AUTS2: variants seen among roughly 807,000 people sequenced by gnomAD.
AUTS2 encodes activator of transcription and developmental regulator AUTS2.
A neutral mutation model predicts 112.4 loss-of-function variants in AUTS2; 17 were observed. The observed-to-expected ratio is 0.15, with a 90% CI of 0.10 to 0.23. The LOEUF (loss-of-function observed/expected upper bound fraction) is 0.23. Ranked by LOEUF, AUTS2 falls within the 10% of genes least tolerant of loss-of-function variation. The pLI, the probability that AUTS2 is intolerant of heterozygous loss-of-function variation, is 1.00. For missense variants in AUTS2, 1,510 were observed against 1,701.6 expected, an observed-to-expected ratio of 0.89 and a Z score of 1.98; for synonymous variants, 751 against 702.7, an observed-to-expected ratio of 1.07 and a Z score of -1.09.
Position 70,649,960 on chromosome 7 carries a change from A to G in AUTS2, c.691-48609A>G, listed in dbSNP as rs117162809. ...CCAAGACATTCCAGCCACAAGTAAC[A>G]GAACAAAATGGCTTCAACCATGGCA... On this transcript the variant is annotated intron_variant, in intron 5 of 18. Transcript: ENST00000342771. Among the ~76,000 whole-genome samples, 1,216 of 152,314 alleles carry G rather than the reference A, an allele frequency of 8.0e-3. 13 individuals carry two copies. Among genetic ancestry groups the G allele is most frequent in the Middle Eastern group, 0.024 (7 of 294 alleles).
intron 5 of AUTS2, among the ~76,000 whole-genome samples, chr7:70,612,593 G>A (rs1804151586): frequency 6.6e-6 from 1 of 151,966 alleles, no homozygotes; most frequent in South Asian, 2.1e-4. Context: ...CAGTGGCCTG[G>A]GTGGCACAGG....
At chr7:69,674,098 CTGTGTCTGGGACAAGCCTCCCAG>C (rs1040606907) in intron 1 of AUTS2, among the ~76,000 whole-genome samples, 31 of 152,342 alleles carry the variant, frequency 2.0e-4, no homozygotes, top group Admixed American at 4.6e-4. Flanking sequence ...AGGTTTCCCA[CTGTGTCTGGGACAAGCCTCCCAG>C]TGTGTCTGGG....
intron 2 of AUTS2, among the ~76,000 whole-genome samples, chr7:70,012,508 C>G (rs1398292802): frequency 6.6e-6 from 1 of 152,188 alleles, no homozygotes; most frequent in Non-Finnish European, 1.5e-5. Context: ...TTGTTATTCT[C>G]TCACTTGCTT....
intron 2 of AUTS2, among the ~76,000 whole-genome samples, chr7:70,080,629 C>G (rs1249502385): frequency 6.6e-6 from 1 of 152,102 alleles, no homozygotes; most frequent in Admixed American, 6.6e-5. Context: ...CTTCTTTTCC[C>G]AAGGAGCTGG....
chr7:70,719,335 T>C (rs1211228880), intron 6 of AUTS2, among the ~76,000 whole-genome samples: 1 of 152,212 alleles, frequency 6.6e-6, no homozygotes, highest in Non-Finnish European at 1.5e-5. Context: ...AGTAAGCGTT[T>C]AGGGTTGCCT....
intron 1 of AUTS2, among the ~76,000 whole-genome samples, chr7:69,624,964 G>A (rs1164704714): frequency 3.3e-5 from 4 of 119,502 alleles, no homozygotes; most frequent in Middle Eastern, 0.016. Context: ...TCACTACCAC[G>A]CAGATTCTCA....
intron 1 of AUTS2, among the ~76,000 whole-genome samples, chr7:69,860,724 CTAAT>C (rs1340707879): frequency 1.3e-5 from 2 of 152,152 alleles, no homozygotes; most frequent in Non-Finnish European, 2.9e-5. Flanking sequence ...AGTAAGCTCT[CTAAT>C]TATGCCAATG....
intron 4 of AUTS2, among the ~76,000 whole-genome samples, chr7:70,308,570 A>G (rs1450894444): frequency 6.6e-6 from 1 of 152,228 alleles, no homozygotes; most frequent in Non-Finnish European, 1.5e-5. Flanking sequence ...AATGTTTACC[A>G]AATATTGTCA....
chr7:70,080,230 A>G (rs1803236295), intron 2 of AUTS2, among the ~76,000 whole-genome samples: 1 of 152,240 alleles, frequency 6.6e-6, no homozygotes, highest in African/African-American at 2.4e-5. Context: ...TGCATCCATT[A>G]CATTGTGGAT....
At chr7:70,311,282 G>C (rs1789737744) in intron 4 of AUTS2, among the ~76,000 whole-genome samples, 1 of 152,164 alleles carries the variant, frequency 6.6e-6, no homozygotes, top group Admixed American at 6.5e-5. Context: ...TACTGTCTGG[G>C]TCATAGCAAG....
chr7:70,674,926 G>T (rs931669353), intron 5 of AUTS2, among the ~76,000 whole-genome samples: 2 of 152,158 alleles, frequency 1.3e-5, no homozygotes, highest in African/African-American at 4.8e-5. Flanking sequence ...TATTTATCAA[G>T]TTCTTTTGCA....
intron 1 of AUTS2, among the ~76,000 whole-genome samples, chr7:69,897,960 G>T (rs78060431): frequency 6.6e-6 from 1 of 152,090 alleles, no homozygotes; most frequent in Non-Finnish European, 1.5e-5. Flanking sequence ...AAGGAGAAAT[G>T]AGTAAAAGGA....
intron 17 of AUTS2, 71 bp downstream of exon 17, chr7:70,786,109 C>A: frequency 3.0e-6 from 4 of 1,348,950 alleles, no homozygotes; most frequent in African/African-American, 1.4e-5. Context: ...TGGCTCAAGA[C>A]CTTTCTAGAG....
intron 4 of AUTS2, among the ~76,000 whole-genome samples, chr7:70,211,830 C>G (rs1197874608): frequency 1.3e-5 from 2 of 151,386 alleles, no homozygotes; most frequent in Non-Finnish European, 2.9e-5. Flanking sequence ...ACTAAAAATA[C>G]AAAAAATTAG....
intron 2 of AUTS2, among the ~76,000 whole-genome samples, chr7:70,061,848 C>T (rs1030840115): frequency 6.6e-6 from 1 of 151,368 alleles, no homozygotes; most frequent in Non-Finnish European, 1.5e-5. Context: ...ACTGCAATGG[C>T]GTGATCTCAG....
At chr7:70,003,928 ATATAT>A (rs1260708067) in intron 2 of AUTS2, among the ~76,000 whole-genome samples, 1 of 80,378 alleles carries the variant, frequency 1.2e-5, no homozygotes, top group Admixed American at 1.7e-4. Context: ...ATATGAATAT[ATATAT>A]TATATATGAA....
intron 4 of AUTS2, among the ~76,000 whole-genome samples, chr7:70,397,057 T>G (rs1437009405): frequency 6.8e-6 from 1 of 148,074 alleles, no homozygotes; most frequent in African/African-American, 2.5e-5. Flanking sequence ...ATTTTAGCCA[T>G]TCTTTTATTA....
At chr7:70,267,997 A>G (rs1584952598) in intron 4 of AUTS2, among the ~76,000 whole-genome samples, 1 of 152,186 alleles carries the variant, frequency 6.6e-6, no homozygotes, top group African/African-American at 2.4e-5. Flanking sequence ...GCAGTTATCA[A>G]TTCCTCTAAT....
chr7:70,782,121 C>T (rs957198009), intron 15 of AUTS2: 28 of 238,350 alleles, frequency 1.2e-4, no homozygotes, highest in Middle Eastern at 1.4e-3. Flanking sequence ...TAGAAGGATG[C>T]GGTCGCCCTT....
Sources: gnomAD v4.1 joint callset for allele counts (sites outside exome capture counted in the v4.1 genomes callset) on GRCh38, gnomAD v4.1.1 for gene constraint, MANE v1.5 for transcripts, NCBI Gene and HGNC (gene_info 2026-07-23, HGNC 2026-07-21) for gene names.